PRDM10: variants seen among roughly 807,000 people sequenced by gnomAD.
PRDM10 encodes PR/SET domain 10.
A neutral mutation model predicts 133.1 loss-of-function variants in PRDM10; 65 were observed. The ratio of observed to expected loss-of-function variants is 0.49; its 90% CI spans 0.40 to 0.60. PRDM10 has a LOEUF of 0.60. Among genes scored for constraint, PRDM10 ranks in the 20% least tolerant of loss-of-function variants. The pLI is 0.00. For missense variants in PRDM10, 1,137 were observed against 1,507.1 expected, an observed-to-expected ratio of 0.75 and a Z score of 4.07; for synonymous variants, 582 against 580.4, an observed-to-expected ratio of 1.00 and a Z score of -0.04.
chr11:129,992,940 G>A (rs1303260921), intron 1 of PRDM10, among the ~76,000 whole-genome samples: 1 of 152,198 alleles, frequency 6.6e-6, no homozygotes, highest in Non-Finnish European at 1.5e-5. Flanking sequence ...TCAGTATTAT[G>A]AAAATAAATT....
At chr11:129,975,942 G>A (rs1400873157) in intron 1 of PRDM10, among the ~76,000 whole-genome samples, 1 of 152,196 alleles carries the variant, frequency 6.6e-6, no homozygotes, top group Non-Finnish European at 1.5e-5. Context: ...GTATTTAGTT[G>A]TACTAGAGGT....
At chr11:129,990,698 C>T (rs1003757114) in intron 1 of PRDM10, among the ~76,000 whole-genome samples, 12 of 152,074 alleles carry the variant, frequency 7.9e-5, no homozygotes, top group African/African-American at 1.7e-4. Flanking sequence ...CTCTAACTCC[C>T]GGCCTCAAAG....
intron 4 of PRDM10, among the ~76,000 whole-genome samples, chr11:129,954,119 C>A (rs1352684765): frequency 6.6e-6 from 1 of 150,956 alleles, no homozygotes; most frequent in Non-Finnish European, 1.5e-5. Context: ...ACAAAAAAGG[C>A]TCCTAACAAA....
At position 129,970,951 on chromosome 11, in the gene PRDM10, T is replaced by C. The variant is rs1316033123; in HGVS notation, c.-118-9869A>G. Among the ~76,000 whole-genome samples the C allele has an allele frequency of 2.6e-5, 4 of 152,144 alleles. No individual in the cohort carries two copies. The South Asian group carries it at 6.2e-4, about 24-fold the overall frequency. On this transcript the variant is annotated intron_variant, in intron 1 of 20. Transcript: ENST00000360871. ...TGTCACATCCTAAAGCTGACTAAAATTGTGTCCGAAATTGGTGGGTTCTGG... is the reference window on the plus strand; with the variant it reads ...TGTCACATCCTAAAGCTGACTAAAACTGTGTCCGAAATTGGTGGGTTCTGG...
intron 1 of PRDM10, among the ~76,000 whole-genome samples, chr11:129,975,784 C>G (rs575505502): frequency 2.0e-5 from 3 of 152,190 alleles, no homozygotes; most frequent in Non-Finnish European, 4.4e-5. Flanking sequence ...GTGCTGGGAG[C>G]CAGTCACTGC....
At chr11:129,993,963 C>G (rs1046255173) in intron 1 of PRDM10, among the ~76,000 whole-genome samples, 5 of 152,140 alleles carry the variant, frequency 3.3e-5, no homozygotes, top group Admixed American at 3.3e-4. Flanking sequence ...AAAATTGACA[C>G]ATTTACAATA....
At position 129,912,118 on chromosome 11, in the gene PRDM10, G is replaced by A. The variant is rs768941449; in HGVS notation, c.2949C>T (p.Ser983=). 1.9e-5 allele frequency: 30 copies of A among 1,612,414 alleles called. No homozygotes were observed. Among genetic ancestry groups the A allele is most frequent in the South Asian group, 1.1e-4 (10 of 90,880 alleles). Residue 983 remains serine (S), a synonymous_variant, in exon 18 of 21, where the codon AGC becomes AGT. Coordinates refer to ENST00000360871, the MANE Select transcript of PRDM10 (RefSeq NM_199437.2). ...AGGACGGGGCCGAGGCGGTAGGCTC[G>A]CTGACCTGGATGTGCTGCACCTGGA... ...HAIQVQHIQV[S]EPTASAPSSA...
In PRDM10 at chr11:129,902,167, C is replaced by T; in HGVS notation, c.*146G>A. 1 of 1,133,770 alleles carries T rather than the reference C, an allele frequency of 8.8e-7. No homozygotes were observed. Among genetic ancestry groups the T allele is most frequent in the South Asian group, 1.8e-5 (1 of 57,004 alleles). The allele number at this position is 1,133,770 out of a possible 1,614,324, so 70.2% of individuals were successfully genotyped here. ...TAAAGATGACCTTGGCAAAATAAAC[C>T]CCAGTGTATGGATGAGAGACAAAAC... On this transcript the variant is annotated 3_prime_UTR_variant, in exon 21 of 21. Transcript: ENST00000360871.
Position 129,915,565 on chromosome 11 carries a change from A to G in PRDM10, c.2526+95T>C, listed in dbSNP as rs551106389. ...TTCAGTCCCCCGTCAACTCAGAAGG[A>G]GCCATCCAGGCCATGTGGATGAGAA... On this transcript the variant is annotated intron_variant, in intron 16 of 20. Coordinates refer to ENST00000360871, the MANE Select transcript of PRDM10 (RefSeq NM_199437.2). 9.0e-5 allele frequency: 119 copies of G among 1,321,418 alleles called. No individual in the cohort carries two copies. The South Asian group carries it at 1.5e-3, about 17-fold the overall frequency. The allele number at this position is 1,321,418 out of a possible 1,614,324, so 81.9% of individuals were successfully genotyped here. A position where few individuals can be genotyped will look rare whatever the true frequency, so the allele number is the denominator to read the frequency against.
Position 129,927,298 on chromosome 11 carries a change from C to G in PRDM10, c.1531-2069G>C, listed in dbSNP as rs570512023. ...AGCCACCTCATCTTTTTAACTCTGTCTGGATACTAATTTTACATAAAAGCT... is the reference window on the plus strand; with the variant it reads ...AGCCACCTCATCTTTTTAACTCTGTGTGGATACTAATTTTACATAAAAGCT... On this transcript the variant is annotated intron_variant, in intron 11 of 20. Transcript: ENST00000360871. Among the ~76,000 whole-genome samples, 8 of 149,148 alleles carry G rather than the reference C, an allele frequency of 5.4e-5. No homozygotes were observed. The South Asian group carries it at 1.5e-3, about 28-fold the overall frequency.
intron 1 of PRDM10, among the ~76,000 whole-genome samples, chr11:129,990,787 C>T (rs1194606474): frequency 2.6e-5 from 4 of 152,114 alleles, no homozygotes; most frequent in Admixed American, 2.0e-4. Flanking sequence ...ACTTTTTCCT[C>T]ACTTTTTTTT....
intron 20 of PRDM10, among the ~76,000 whole-genome samples, chr11:129,905,233 G>A (rs542664990): frequency 2.0e-5 from 3 of 152,068 alleles, no homozygotes; most frequent in South Asian, 2.1e-4. Context: ...GTGGTGGTGC[G>A]TGTCTGTAAT....
At chr11:129,919,853 A>G (rs1283768792) in intron 13 of PRDM10, among the ~76,000 whole-genome samples, 1 of 152,170 alleles carries the variant, frequency 6.6e-6, no homozygotes, top group Non-Finnish European at 1.5e-5. Context: ...GCCGAGCTCC[A>G]ATGCTGGGCC....
intron 9 of PRDM10, among the ~76,000 whole-genome samples, chr11:129,932,775 T>TC (rs747754973): frequency 5.9e-4 from 90 of 152,154 alleles, no homozygotes; most frequent in Non-Finnish European, 1.0e-3. Flanking sequence ...TTTTTTTTTT[T>TC]CTCTTTTTGA....
rs79294530 is a variant in PRDM10, at chr11:129,921,812, C to G, written c.2034+1436G>C. Among the ~76,000 whole-genome samples, 1,133 of 152,276 alleles carry G rather than the reference C, an allele frequency of 7.4e-3. 18 individuals are homozygous for G. Among genetic ancestry groups the G allele is most frequent in the African/African-American group, 0.026 (1,074 of 41,538 alleles). Reference sequence around the variant, plus strand: ...GTGTCATGTAGAGGTACCTGTGGGTCCCTACTTATCCTCTCTTTCCCACCC... The same window carrying G: ...GTGTCATGTAGAGGTACCTGTGGGTGCCTACTTATCCTCTCTTTCCCACCC... On this transcript the variant is annotated intron_variant, in intron 13 of 20. Transcript: ENST00000360871.
intron 1 of PRDM10, among the ~76,000 whole-genome samples, chr11:129,975,590 C>A (rs1937713643): frequency 6.6e-6 from 1 of 152,144 alleles, no homozygotes; most frequent in Admixed American, 6.5e-5. Flanking sequence ...TGGCACCTTT[C>A]CCATCATGAC....
intron 1 of PRDM10, among the ~76,000 whole-genome samples, chr11:129,988,995 T>C (rs1170801063): frequency 6.6e-6 from 1 of 152,204 alleles, no homozygotes; most frequent in African/African-American, 2.4e-5. Flanking sequence ...TAGGGACCAG[T>C]AACTATGAGA....
At position 129,955,712 on chromosome 11, in the gene PRDM10, A is replaced by G. The variant is rs1452719231; in HGVS notation, c.235-141T>C. 2.3e-5 allele frequency: 15 copies of G among 639,046 alleles called. No homozygotes were observed. In the East Asian group the frequency reaches 4.3e-4, roughly 18 times the overall value. The allele number at this position is 639,046 out of a possible 1,614,324, so 39.6% of individuals were successfully genotyped here. On this transcript the variant is annotated intron_variant, in intron 3 of 20. Transcript: ENST00000360871. ...CAGTAATAAGCTTTCATTAATACAG[A>G]AAATAAAGATAGTAATCTTAAATTT...
intron 1 of PRDM10, among the ~76,000 whole-genome samples, chr11:129,962,586 A>T (rs779096957): frequency 1.3e-5 from 2 of 152,252 alleles, no homozygotes; most frequent in African/African-American, 4.8e-5. Flanking sequence ...AGGGAACTTC[A>T]TGGAGAAATG....
Sources: allele counts gnomAD v4.1 joint callset (sites outside exome capture counted in the v4.1 genomes callset), GRCh38; gene constraint gnomAD v4.1.1; transcripts MANE v1.5; gene names NCBI Gene and HGNC (gene_info 2026-07-23, HGNC 2026-07-21).